The following PPCDC variants were observed in gnomAD, a reference collection of about 807,000 sequenced individuals.
PPCDC encodes the protein phosphopantothenoylcysteine decarboxylase.
In PPCDC, 20 loss-of-function variants were observed where a neutral mutation model predicts 20.7. The ratio of observed to expected loss-of-function variants is 0.97; its 90% CI spans 0.68 to 1.41. The LOEUF (loss-of-function observed/expected upper bound fraction) is 1.41. Ranked by LOEUF, PPCDC falls within the 40% of genes most tolerant of loss-of-function variation. PPCDC has a pLI of 0.00. For missense variants in PPCDC, 246 were observed against 263.8 expected (o/e 0.93, Z 0.47); for synonymous variants, 88 against 100.3 (o/e 0.88, Z 0.73).
intron 2 of PPCDC, among the ~76,000 whole-genome samples, chr15:75,031,020 C>T (rs141708830): frequency 6.1e-4 from 93 of 152,180 alleles, no homozygotes; most frequent in Middle Eastern, 6.8e-3. Flanking sequence ...GGTGGGCAAC[C>T]GTGTCACAAG....
chr15:75,041,086 A>G (rs555213357), intron 2 of PPCDC, among the ~76,000 whole-genome samples: 2 of 152,232 alleles, frequency 1.3e-5, no homozygotes, highest in Admixed American at 1.3e-4. Context: ...TCTTATGGTT[A>G]CCATAACTTA....
At chr15:75,047,098 T>A (rs2066246288) in intron 4 of PPCDC, among the ~76,000 whole-genome samples, 1 of 152,236 alleles carries the variant, frequency 6.6e-6, no homozygotes, top group South Asian at 2.1e-4. Flanking sequence ...CTGAGGCTTG[T>A]CTGAGAGGAG....
chr15:75,029,192 T>C (rs1881736962), intron 2 of PPCDC, among the ~76,000 whole-genome samples: 1 of 152,164 alleles, frequency 6.6e-6, no homozygotes, highest in African/African-American at 2.4e-5. Flanking sequence ...TGGGCCCTGC[T>C]AGGCTGGCTG....
chr15:75,031,274 G>A (rs574380110), intron 2 of PPCDC, among the ~76,000 whole-genome samples: 21 of 152,246 alleles, frequency 1.4e-4, no homozygotes, highest in African/African-American at 4.6e-4. Flanking sequence ...TTGTAGTTCC[G>A]TAGTTGTCAT....
At chr15:75,029,506 G>T (rs1386470680) in intron 2 of PPCDC, among the ~76,000 whole-genome samples, 1 of 152,114 alleles carries the variant, frequency 6.6e-6, no homozygotes, top group Non-Finnish European at 1.5e-5. Context: ...ACATCAGCTG[G>T]GGCTGGGCTG....
intron 2 of PPCDC, among the ~76,000 whole-genome samples, chr15:75,030,252 T>C (rs2066005934): frequency 6.6e-6 from 1 of 152,066 alleles, no homozygotes; most frequent in African/African-American, 2.4e-5. Context: ...CCCTGAGATG[T>C]TGGCTGGGGT....
intron 4 of PPCDC, among the ~76,000 whole-genome samples, chr15:75,045,404 G>C (rs1236508038): frequency 1.3e-5 from 2 of 152,216 alleles, no homozygotes; most frequent in Non-Finnish European, 2.9e-5. Flanking sequence ...TTTCTATGGA[G>C]TCACCACCTT....
intron 2 of PPCDC, chr15:75,043,144 C>CCT (rs1278509730): frequency 6.5e-6 from 2 of 309,328 alleles, no homozygotes; most frequent in Admixed American, 1.1e-4. Context: ...ACTGGGCCTA[C>CCT]CTCTGCCCGA....
At chr15:75,025,507 A>G (rs1595895026) in intron 1 of PPCDC, among the ~76,000 whole-genome samples, 1 of 152,280 alleles carries the variant, frequency 6.6e-6, no homozygotes, top group African/African-American at 2.4e-5. Context: ...GGAGACTTAA[A>G]CATCACAAGC....
At chr15:75,037,544 C>T (rs193176579) in intron 2 of PPCDC, among the ~76,000 whole-genome samples, 1 of 151,936 alleles carries the variant, frequency 6.6e-6, no homozygotes, top group African/African-American at 2.4e-5. Context: ...CTCAGGAGTT[C>T]GAGACCAGCC....
rs374495370 is a variant in PPCDC, at chr15:75,035,734, AG to A, written c.135+7283del. Among the ~76,000 whole-genome samples, 181 of 152,288 alleles carry A rather than the reference AG, an allele frequency of 1.2e-3. 3 individuals are homozygous for A. The East Asian group carries it at 0.03, about 25-fold the overall frequency. On this transcript the variant is annotated intron_variant, in intron 2 of 5. Coordinates refer to ENST00000342932, the MANE Select transcript of PPCDC (RefSeq NM_021823.5). ...GTAATCCCAGCACTTTGGGAGGCTG[AG>A]GTGGGCAGATCACCTGAGGCCAGGA... is the stretch of plus-strand genomic sequence containing the variant.
Position 75,033,344 on chromosome 15 carries a change from C to G in PPCDC, c.135+4891C>G, listed in dbSNP as rs181221257. On this transcript the variant is annotated intron_variant, in intron 2 of 5. Transcript: ENST00000342932. ...GGTTTGCCGACCCCTGGTATGCAGC[C>G]TGATTCCTTCTGTGTGTTCTTATAC... Among the ~76,000 whole-genome samples the G allele has an allele frequency of 1.8e-3, 277 of 152,322 alleles. 1 individual carries two copies. The highest frequency in any genetic ancestry group is 2.4e-3 in the Non-Finnish European group (161 of 68,022).
intron 2 of PPCDC, 43 bp downstream of exon 2, chr15:75,028,496 G>T (rs764258424): frequency 8.6e-5 from 138 of 1,612,452 alleles, no homozygotes; most frequent in Non-Finnish European, 1.1e-4. Context: ...TCCGGCATGG[G>T]AGGCCGGTGC....
At chr15:75,043,093 C>G (rs1740811442) in intron 2 of PPCDC, among the ~76,000 whole-genome samples, 1 of 152,260 alleles carries the variant, frequency 6.6e-6, no homozygotes, top group South Asian at 2.1e-4. Flanking sequence ...CTCTGCGGCC[C>G]TGGCCTTGAC....
rs142473921 is a variant in PPCDC at position 75,049,698 on chromosome 15, C to T, written c.*463C>T. ...ACTCTGAGGTTTCCTGCAGACCATG[C>T]CATGAGATTGAAGGTGCGGGGAAAT... On this transcript the variant is annotated 3_prime_UTR_variant, in exon 6 of 6. Coordinates refer to ENST00000342932, the MANE Select transcript of PPCDC (RefSeq NM_021823.5). 321 of 159,480 alleles carry T rather than the reference C, an allele frequency of 2.0e-3. No individual in the cohort carries two copies. Among genetic ancestry groups the T allele is most frequent in the African/African-American group, 7.3e-3 (306 of 41,654 alleles). The allele number at this position is 159,480 out of a possible 1,614,324, so 9.9% of individuals were successfully genotyped here.
chr15:75,032,004 G>T (rs1034995506), intron 2 of PPCDC, among the ~76,000 whole-genome samples: 4 of 152,194 alleles, frequency 2.6e-5, no homozygotes, highest in Non-Finnish European at 5.9e-5. Context: ...CAGGGAGGGG[G>T]ACTCAGGACA....
At chr15:75,043,971 C>G (rs1055965660) in intron 3 of PPCDC, among the ~76,000 whole-genome samples, 1 of 152,090 alleles carries the variant, frequency 6.6e-6, no homozygotes, top group Admixed American at 6.5e-5. Context: ...ACAGGGGTTC[C>G]CTGCCAGGCA....
intron 4 of PPCDC, among the ~76,000 whole-genome samples, chr15:75,046,930 G>A (rs2066243470): frequency 6.6e-6 from 1 of 152,260 alleles, no homozygotes; most frequent in Non-Finnish European, 1.5e-5. Flanking sequence ...GTCTGGCTAG[G>A]AGCTGGTCTC....
chr15:75,044,633 C>A, intron 4 of PPCDC, 119 bp downstream of exon 4: 1 of 1,339,706 alleles, frequency 7.5e-7, no homozygotes, highest in Non-Finnish European at 1.0e-6. Flanking sequence ...CCAGGGAGAT[C>A]GTGCTCCGCC....
Sources: gnomAD v4.1 joint callset for allele counts (sites outside exome capture counted in the v4.1 genomes callset) on GRCh38, gnomAD v4.1.1 for gene constraint, MANE v1.5 for transcripts, NCBI Gene and HGNC (gene_info 2026-07-23, HGNC 2026-07-21) for gene names.